Variants in MYLK observed in about 807,000 individuals in gnomAD.
MYLK encodes myosin light chain kinase, smooth muscle.
Under a neutral mutation model 203.4 loss-of-function variants are expected in MYLK, and 106 were observed. The observed-to-expected ratio is 0.52, with a 90% CI of 0.45 to 0.61. MYLK has a LOEUF of 0.61. Ranked by LOEUF, MYLK falls within the 20% of genes least tolerant of loss-of-function variation. The pLI, the probability that MYLK is intolerant of heterozygous loss-of-function variation, is 0.00. For synonymous variants in MYLK, 867 were observed against 959.5 expected (o/e 0.90, Z 1.78); for missense variants, 2,072 against 2,442.3 (o/e 0.85, Z 3.20).
chr3:123,808,492 A>G (rs1348565195), intron 3 of MYLK, among the ~76,000 whole-genome samples: 2 of 152,216 alleles, frequency 1.3e-5, no homozygotes, highest in Non-Finnish European at 2.9e-5. Context: ...ATCATTGTAT[A>G]GGATACCAAC....
chr3:123,734,557 C>T (rs773295874), intron 9 of MYLK: 7 of 231,994 alleles, frequency 3.0e-5, no homozygotes, highest in African/African-American at 9.0e-5. Context: ...TTCTATACAG[C>T]GACCATAGTC....
chr3:123,655,411 C>T (rs1006994855), intron 24 of MYLK, among the ~76,000 whole-genome samples: 1 of 152,184 alleles, frequency 6.6e-6, no homozygotes, highest in African/African-American at 2.4e-5. Context: ...GTAACCTTAT[C>T]AATGCCCATG....
chr3:123,687,951 C>T (rs1247866426), intron 19 of MYLK, among the ~76,000 whole-genome samples: 1 of 152,152 alleles, frequency 6.6e-6, no homozygotes, highest in African/African-American at 2.4e-5. Context: ...AGGTGTGAGC[C>T]ACCACACCTG....
At chr3:123,795,626 G>A (rs2064958425) in intron 3 of MYLK, among the ~76,000 whole-genome samples, 1 of 152,182 alleles carries the variant, frequency 6.6e-6, no homozygotes, top group Non-Finnish European at 1.5e-5. Flanking sequence ...CAAGGCCATT[G>A]GACAACAACT....
chr3:123,677,883 G>GAA (rs2060120805), intron 20 of MYLK, among the ~76,000 whole-genome samples: 2 of 28,216 alleles, frequency 7.1e-5, no homozygotes. Flanking sequence ...ATAAATAAAT[G>GAA]AATATATATA....
intron 31 of MYLK, chr3:123,620,833 A>T (rs908358053): frequency 3.3e-5 from 6 of 183,858 alleles, no homozygotes; most frequent in Non-Finnish European, 6.4e-5. Flanking sequence ...CATCCTGTTG[A>T]CCTTGGGCAA....
rs896148125 is a variant in MYLK, at chr3:123,842,432, T to C, written c.-126-10762A>G. Among the ~76,000 whole-genome samples the C allele has an allele frequency of 6.6e-5, 10 of 152,292 alleles. 1 individual carries two copies. The South Asian group carries it at 8.3e-4, about 13-fold the overall frequency. ...TGCTCAATTTAATCCAATCTCACAA[T>C]TATTTGTGTGAAAACTCCCAAATTT... On this transcript the variant is annotated intron_variant, in intron 2 of 33. Coordinates refer to ENST00000360304, the MANE Select transcript of MYLK (RefSeq NM_053025.4).
chr3:123,686,262 G>A (rs1326132051), intron 19 of MYLK, among the ~76,000 whole-genome samples: 1 of 152,148 alleles, frequency 6.6e-6, no homozygotes, highest in East Asian at 1.9e-4. Context: ...GGAAGATGGA[G>A]GTGTGAGGAA....
chr3:123,730,144 C>T (rs1339665273), intron 11 of MYLK, among the ~76,000 whole-genome samples: 2 of 152,082 alleles, frequency 1.3e-5, no homozygotes, highest in African/African-American at 2.4e-5. Context: ...AGGAGGATTG[C>T]TTGAGCCCAG....
At chr3:123,701,053 TG>T (rs776106389) in intron 17 of MYLK, 48 bp from the exon 18 acceptor site, 14 of 1,486,326 alleles carry the variant, frequency 9.4e-6, no homozygotes, top group Admixed American at 8.9e-5. Context: ...GAAAAGGGGC[TG>T]GGTAAGAAAG....
intron 4 of MYLK, among the ~76,000 whole-genome samples, chr3:123,771,415 G>A (rs1298084445): frequency 1.3e-5 from 2 of 152,074 alleles, no homozygotes; most frequent in Admixed American, 1.3e-4. Context: ...GCCTAGTAGG[G>A]TTTGCCTATG....
Position 123,648,666 on chromosome 3 carries a change from A to G in MYLK, c.4415+305T>C, listed in dbSNP as rs2059106672. On this transcript the variant is annotated intron_variant, in intron 26 of 33. Coordinates refer to ENST00000360304, the MANE Select transcript of MYLK (RefSeq NM_053025.4). The surrounding 1 kb of genome is among the most constrained non-coding windows in gnomAD (Gnocchi z 4.5). ...TGCTCTCCCCTGACAGGCCCCAGTG[A>G]GTGTTATTCCCCTCCCTGTGTCTCA... Among the ~76,000 whole-genome samples, 1 of 151,708 alleles carries G rather than the reference A, an allele frequency of 6.6e-6. No individual in the cohort carries two copies. Among genetic ancestry groups the G allele is most frequent in the African/African-American group, 2.4e-5 (1 of 41,252 alleles).
In MYLK at chr3:123,708,873, G is replaced by T; in HGVS notation, c.1965C>A (p.Ile655=). The change falls in exon 15 of 34, where the codon ATC becomes ATA. Residue 655 remains isoleucine, a synonymous_variant. Transcript: ENST00000360304. The part of the protein sequence containing the change: ...QVSGNPPPEV[I]WLHNGNEIQE... ...GGATCTCATTCCCATTGTGCAGCCA[G>T]ATGACTTCAGGGGGTGGATTCCCTG... The T allele has an allele frequency of 6.2e-7, 1 of 1,614,136 alleles. No homozygotes were observed. Among genetic ancestry groups the T allele is most frequent in the South Asian group, 1.1e-5 (1 of 91,084 alleles).
chr3:123,626,063 C>T (rs1457281551), intron 31 of MYLK, among the ~76,000 whole-genome samples: 2 of 152,090 alleles, frequency 1.3e-5, no homozygotes, highest in Admixed American at 6.5e-5. Context: ...TCAATTTTGT[C>T]TGTAAAGTGG....
rs927213113 is a variant in MYLK at position 123,629,548 on chromosome 3, G to A, written c.5040C>T (p.Phe1680=). 7 of 1,614,036 alleles carry A rather than the reference G, an allele frequency of 4.3e-6. No individual in the cohort carries two copies. Among genetic ancestry groups the A allele is most frequent in the African/African-American group, 2.7e-5 (2 of 74,902 alleles). ...AGATCTCATCGAATGCCTCGTCGTC[G>A]AAGTCCCAGGTGGCTGAGGTAACGT... is the stretch of plus-strand genomic sequence containing the variant. ...LANVTSATWD[F]DDEAFDEISD... is the part of the protein sequence containing the mutation. The change falls in exon 30 of 34, where the codon TTC becomes TTT. Residue 1680 remains phenylalanine, a synonymous_variant. Coordinates refer to ENST00000360304, the MANE Select transcript of MYLK (RefSeq NM_053025.4). The surrounding 1 kb of genome is among the most constrained non-coding windows in gnomAD (Gnocchi z 4.4).
chr3:123,793,988 C>T, intron 3 of MYLK, 144 bp from the exon 4 acceptor site: 1 of 847,514 alleles, frequency 1.2e-6, no homozygotes, highest in East Asian at 2.6e-5. Context: ...CCCACAGCTC[C>T]TCTGTGAAGA....
chr3:123,806,030 C>T (rs1434249680), intron 3 of MYLK, among the ~76,000 whole-genome samples: 2 of 152,236 alleles, frequency 1.3e-5, no homozygotes, highest in Non-Finnish European at 2.9e-5. Context: ...AATATTGCTA[C>T]AAACATTGCC....
In MYLK at chr3:123,829,188, A is replaced by G. The variant is rs537157083; in HGVS notation, c.-4+2360T>C. The stretch of plus-strand genomic sequence containing the variant: ...TTACAATAGCCAAGAAATGGGATCA[A>G]TGTAGGTATCCAACAGAAGATGAAT... On this transcript the variant is annotated intron_variant, in intron 3 of 33. Transcript: ENST00000360304. Among the ~76,000 whole-genome samples the G allele has an allele frequency of 4.3e-4, 66 of 152,336 alleles. 1 individual carries two copies. Among genetic ancestry groups the G allele is most frequent in the Non-Finnish European group, 7.5e-4 (51 of 68,014 alleles).
intron 18 of MYLK, among the ~76,000 whole-genome samples, chr3:123,695,602 C>A (rs1157899678): frequency 2.0e-5 from 3 of 152,184 alleles, no homozygotes; most frequent in Admixed American, 6.5e-5. Flanking sequence ...ATGCACACAA[C>A]AAAGGGCATT....
Sources: gnomAD v4.1 joint callset for allele counts (sites outside exome capture counted in the v4.1 genomes callset) on GRCh38, gnomAD v4.1.1 for gene constraint, Gnocchi (gnomAD v3.1) non-coding constraint, MANE v1.5 for transcripts, NCBI Gene and HGNC (gene_info 2026-07-23, HGNC 2026-07-21) for gene names.